UTRN: variants seen among roughly 807,000 people sequenced by gnomAD.
UTRN encodes the protein utrophin.
A neutral mutation model predicts 463.9 loss-of-function variants in UTRN; 283 were observed. The ratio of observed to expected loss-of-function variants is 0.61; its 90% CI spans 0.55 to 0.67. UTRN has a LOEUF of 0.67. UTRN is among the 30% of genes least tolerant of loss of function. The pLI is 0.00. For missense variants in UTRN, 3,922 were observed against 4,084.3 expected (o/e 0.96, Z 1.08); for synonymous variants, 1,442 against 1,431.5 (o/e 1.01, Z -0.17).
intron 59 of UTRN, among the ~76,000 whole-genome samples, chr6:144,773,363 G>A (rs931561998): frequency 6.6e-6 from 1 of 152,102 alleles, no homozygotes; most frequent in Non-Finnish European, 1.5e-5. Flanking sequence ...GGGAAAAAAA[G>A]GAAGGGCCCT....
intron 17 of UTRN, among the ~76,000 whole-genome samples, chr6:144,450,784 A>G: frequency 6.6e-6 from 1 of 152,216 alleles, no homozygotes; most frequent in South Asian, 2.1e-4. Flanking sequence ...ATAAAAATAC[A>G]AGTGATTCCT....
At chr6:144,728,295 A>G (rs934468406) in intron 53 of UTRN, among the ~76,000 whole-genome samples, 18 of 152,200 alleles carry the variant, frequency 1.2e-4, no homozygotes, top group Admixed American at 5.2e-4. Flanking sequence ...AGTAAATGCT[A>G]GGAATATTTT....
intron 2 of UTRN, among the ~76,000 whole-genome samples, chr6:144,330,114 A>G (rs568744114): frequency 2.6e-5 from 4 of 152,294 alleles, no homozygotes; most frequent in African/African-American, 9.6e-5. Flanking sequence ...GTGGTCAGGG[A>G]AGGCCTTCTT....
chr6:144,301,814 G>A (rs9496922), intron 2 of UTRN, among the ~76,000 whole-genome samples: 23,547 of 151,808 alleles, frequency 0.16, 3,271 homozygotes, highest in African/African-American at 0.37. Flanking sequence ...GATTACAGGC[G>A]TGAGACACTG....
rs745536432 is a variant in UTRN, at chr6:144,510,929, GT to G, written c.4765-10del. 7 of 1,544,838 alleles carry G rather than the reference GT, an allele frequency of 4.5e-6. No individual in the cohort carries two copies. The African/African-American group carries it at 5.5e-5, about 12-fold the overall frequency. ...TCTGAAGCATCAAGTAGGTCTTGGT[GT>G]TTTTATTTTCTAGAATGTTCTGAAG... On this transcript the variant is annotated splice_polypyrimidine_tract_variant and intron_variant, in intron 34 of 74. Coordinates refer to ENST00000367545, the MANE Select transcript of UTRN (RefSeq NM_007124.3).
At chr6:144,584,461 G>A (rs1166378999) in intron 51 of UTRN, among the ~76,000 whole-genome samples, 1 of 151,946 alleles carries the variant, frequency 6.6e-6, no homozygotes, top group South Asian at 2.1e-4. Context: ...AATGTATCTT[G>A]TTGCTCTGTT....
At chr6:144,768,964 T>TTTTTTTTTTTTTTTTTTTTTTTTTG (rs1562884837) in intron 58 of UTRN, among the ~76,000 whole-genome samples, 1 of 148,136 alleles carries the variant, frequency 6.8e-6, no homozygotes, top group Non-Finnish European at 1.5e-5. Context: ...TTTTGTTTTT[T>TTTTTTTTTTTTTTTTTTTTTTTTTG]TTTTTTTAAT....
At chr6:144,498,986 T>C (rs1793930783) in intron 33 of UTRN, among the ~76,000 whole-genome samples, 1 of 152,128 alleles carries the variant, frequency 6.6e-6, no homozygotes, top group African/African-American at 2.4e-5. Context: ...TACCAATCTT[T>C]TGAGGGCTAT....
At chr6:144,307,831 T>A (rs1033771233) in intron 2 of UTRN, among the ~76,000 whole-genome samples, 6 of 151,230 alleles carry the variant, frequency 4.0e-5, no homozygotes, top group Non-Finnish European at 8.8e-5. Context: ...TTTTTTTTTT[T>A]AATTAATGAA....
At chr6:144,354,420 G>C (rs1365697213) in intron 2 of UTRN, among the ~76,000 whole-genome samples, 1 of 152,150 alleles carries the variant, frequency 6.6e-6, no homozygotes. Context: ...AGGTAGTCTG[G>C]TTTTCTGTGC....
chr6:144,329,158 C>T (rs952970001), intron 2 of UTRN, among the ~76,000 whole-genome samples: 7 of 150,094 alleles, frequency 4.7e-5, no homozygotes, highest in Non-Finnish European at 1.0e-4. Flanking sequence ...TCTCGGCTCA[C>T]TGCAACTTCT....
rs553439935 is a variant in UTRN, at chr6:144,616,334, A to G, written c.7479+39046A>G. ...GGTTTGTGGCTAGAATTTAAAGACA[A>G]TTTGTTGGATACCTTTAATCTATAG... On this transcript the variant is annotated intron_variant, in intron 51 of 74. Coordinates refer to ENST00000367545, the MANE Select transcript of UTRN (RefSeq NM_007124.3). 2.6e-5 allele frequency among the ~76,000 whole-genome samples: 4 copies of G among 152,264 alleles called. No homozygotes were observed. In the South Asian group the frequency reaches 6.2e-4, roughly 24 times the overall value.
chr6:144,477,464 TATCC>T (rs1278545336), intron 25 of UTRN, among the ~76,000 whole-genome samples: 4 of 152,090 alleles, frequency 2.6e-5, no homozygotes, highest in Non-Finnish European at 5.9e-5. Context: ...AACAGCTGTA[TATCC>T]ATCCATTCAG....
intron 2 of UTRN, among the ~76,000 whole-genome samples, chr6:144,335,854 C>T (rs1008400121): frequency 3.3e-5 from 5 of 152,164 alleles, no homozygotes; most frequent in African/African-American, 1.2e-4. Context: ...CTGGTCAGTT[C>T]CTCAGCATCA....
chr6:144,445,175 A>T (rs1459765176), intron 14 of UTRN, among the ~76,000 whole-genome samples: 2 of 151,736 alleles, frequency 1.3e-5, no homozygotes, highest in South Asian at 4.2e-4. Flanking sequence ...ACATAGTGAA[A>T]CCCCGTCTCC....
chr6:144,422,121 T>G (rs1278108663), intron 4 of UTRN, 151 bp downstream of exon 4: 1 of 614,982 alleles, frequency 1.6e-6, no homozygotes, highest in Non-Finnish European at 2.7e-6. Flanking sequence ...CAAAGCATTT[T>G]AATGAGTGCT....
In UTRN at chr6:144,548,671, A is replaced by G. The variant is rs114017467; in HGVS notation, c.6627A>G (p.Val2209=). ...CTAATGTCCAAAAGGTGGTGCTAGT[A>G]TCATCTGCGTCAGATATTCCTGTTC... The part of the protein sequence containing the change: ...AHPNVQKVVL[V]SSASDIPVQS... The change falls in exon 47 of 75, where the codon GTA becomes GTG. Residue 2209 remains valine, a synonymous_variant. Transcript: ENST00000367545. The G allele has an allele frequency of 2.0e-5, 33 of 1,613,980 alleles. No homozygotes were observed. In the East Asian group the frequency reaches 6.9e-4, roughly 34 times the overall value.
intron 2 of UTRN, among the ~76,000 whole-genome samples, chr6:144,348,397 T>C (rs562990772): frequency 1.3e-5 from 2 of 152,186 alleles, no homozygotes; most frequent in African/African-American, 2.4e-5. Flanking sequence ...CTTTGTCATA[T>C]GTTAGGGATT....
rs904533040 is a variant in UTRN, at chr6:144,851,299, G to A, written c.*302G>A. On this transcript the variant is annotated 3_prime_UTR_variant, in exon 75 of 75. Transcript: ENST00000367545. ...GTCACGGATTTGTATAATGTATACA[G>A]CATTGGGAAAGTGGGTGGGGGCTTT... The A allele has an allele frequency of 8.3e-5, 30 of 359,956 alleles. No homozygotes were observed. Among genetic ancestry groups the A allele is most frequent in the African/African-American group, 6.2e-4 (30 of 48,520 alleles). The allele number at this position is 359,956 out of a possible 1,614,324, so 22.3% of individuals were successfully genotyped here.
Sources: gnomAD v4.1 joint callset for allele counts (sites outside exome capture counted in the v4.1 genomes callset) on GRCh38, gnomAD v4.1.1 for gene constraint, MANE v1.5 for transcripts, NCBI Gene and HGNC (gene_info 2026-07-23, HGNC 2026-07-21) for gene names.